Variants in CFDP1 observed in about 807,000 individuals in gnomAD.
CFDP1 encodes chromatin remodeling protein CFDP1.
In CFDP1, 31 loss-of-function variants were observed where a neutral mutation model predicts 40.1. The ratio of observed to expected loss-of-function variants is 0.77; its 90% CI spans 0.58 to 1.04. The LOEUF is 1.04. Among genes scored for constraint, CFDP1 ranks in the 50% least tolerant of loss-of-function variants. The pLI is 0.00. For missense variants in CFDP1, 423 were observed against 343.4 expected (o/e 1.23, Z -1.83); for synonymous variants, 167 against 120.0 (o/e 1.39, Z -2.56).
At chr16:75,415,439 C>G (rs993778959) in intron 1 of CFDP1, among the ~76,000 whole-genome samples, 3 of 152,208 alleles carry the variant, frequency 2.0e-5, no homozygotes, top group Non-Finnish European at 2.9e-5. Context: ...ACACAGTGAA[C>G]ACACTTGCAT....
chr16:75,342,054 T>A (rs1414662027), intron 5 of CFDP1, among the ~76,000 whole-genome samples: 2 of 152,230 alleles, frequency 1.3e-5, no homozygotes, highest in African/African-American at 4.8e-5. Context: ...ATAGCTTTTT[T>A]AAGGATGTAC....
intron 1 of CFDP1, among the ~76,000 whole-genome samples, chr16:75,423,830 G>C (rs1032696324): frequency 6.6e-6 from 1 of 152,174 alleles, no homozygotes; most frequent in East Asian, 1.9e-4. Flanking sequence ...CTCCCAAAGT[G>C]CTGGGATTAC....
intron 5 of CFDP1, 48 bp downstream of exon 5, chr16:75,395,042 C>T (rs1316448928): frequency 1.2e-6 from 2 of 1,609,150 alleles, no homozygotes; most frequent in Middle Eastern, 3.3e-4. Context: ...GCACTGAAAG[C>T]TTCTCCAACG....
At chr16:75,296,316 C>T (rs2078181764) in intron 6 of CFDP1, among the ~76,000 whole-genome samples, 1 of 152,160 alleles carries the variant, frequency 6.6e-6, no homozygotes, top group Non-Finnish European at 1.5e-5. Flanking sequence ...CAGTTCACTG[C>T]AGCCTCGACC....
chr16:75,355,270 T>A (rs1321950618), intron 5 of CFDP1, among the ~76,000 whole-genome samples: 1 of 152,184 alleles, frequency 6.6e-6, no homozygotes, highest in African/African-American at 2.4e-5. Flanking sequence ...AACAGTGAAG[T>A]CTGTCACATT....
intron 5 of CFDP1, among the ~76,000 whole-genome samples, chr16:75,326,996 C>T (rs9935954): frequency 0.17 from 25,419 of 152,164 alleles, 2,297 homozygotes; most frequent in Middle Eastern, 0.23. Flanking sequence ...ATAGGCCGGG[C>T]GCAGTGGCTG....
chr16:75,338,631 A>C (rs2078506770), intron 5 of CFDP1, among the ~76,000 whole-genome samples: 1 of 152,128 alleles, frequency 6.6e-6, no homozygotes, highest in Admixed American at 6.5e-5. Flanking sequence ...TACTGACCTA[A>C]TGCATTTTCT....
chr16:75,337,192 A>T (rs1355651052), intron 5 of CFDP1, among the ~76,000 whole-genome samples: 1 of 152,244 alleles, frequency 6.6e-6, no homozygotes, highest in Non-Finnish European at 1.5e-5. Context: ...ATCCAGCTGA[A>T]AGGGAGAAGA....
chr16:75,370,046 T>C (rs992455760), intron 5 of CFDP1, among the ~76,000 whole-genome samples: 1 of 151,906 alleles, frequency 6.6e-6, no homozygotes, highest in Non-Finnish European at 1.5e-5. Context: ...GTGTTGGGAT[T>C]ACAGGCGTGA....
chr16:75,300,444 C>T lies in CFDP1; in HGVS notation c.809+4580G>A, dbSNP rs571925098. Reference sequence around the variant, plus strand: ...CTGGGATTACAGGTGCCCACCACCACGCCCGGCTAATTTTTGTATTTCAGT... The same window carrying T: ...CTGGGATTACAGGTGCCCACCACCATGCCCGGCTAATTTTTGTATTTCAGT... On this transcript the variant is annotated intron_variant, in intron 6 of 6. Coordinates refer to ENST00000283882, the MANE Select transcript of CFDP1 (RefSeq NM_006324.3). Among the ~76,000 whole-genome samples, 269 of 152,248 alleles carry T rather than the reference C, an allele frequency of 1.8e-3. 3 individuals are homozygous for T. Among genetic ancestry groups the T allele is most frequent in the African/African-American group, 6.0e-3 (251 of 41,530 alleles).
At chr16:75,432,755 G>A (rs2079437920) in intron 1 of CFDP1, among the ~76,000 whole-genome samples, 1 of 152,196 alleles carries the variant, frequency 6.6e-6, no homozygotes, top group South Asian at 2.1e-4. Flanking sequence ...TTCTCACCCC[G>A]TTCGGGTTGA....
intron 5 of CFDP1, among the ~76,000 whole-genome samples, chr16:75,392,371 C>T (rs1185184020): frequency 1.3e-5 from 2 of 152,136 alleles, no homozygotes; most frequent in East Asian, 3.9e-4. Flanking sequence ...CACCACTGCA[C>T]TCCAGCCCAG....
intron 6 of CFDP1, among the ~76,000 whole-genome samples, chr16:75,302,275 T>G (rs11149815): frequency 0.51 from 76,990 of 151,902 alleles, 20,528 homozygotes; most frequent in Admixed American, 0.65. Flanking sequence ...AATTTTTATT[T>G]TTTGGGCCAG....
At chr16:75,392,679 G>A (rs1037987228) in intron 5 of CFDP1, among the ~76,000 whole-genome samples, 2 of 152,150 alleles carry the variant, frequency 1.3e-5, no homozygotes, top group African/African-American at 4.8e-5. Flanking sequence ...TGCATTTTGA[G>A]TAGGCATGGG....
At chr16:75,356,404 C>T (rs1406486653) in intron 5 of CFDP1, among the ~76,000 whole-genome samples, 1 of 152,106 alleles carries the variant, frequency 6.6e-6, no homozygotes, top group Non-Finnish European at 1.5e-5. Flanking sequence ...TGAGCAGTAA[C>T]ATTTTGAAAG....
chr16:75,302,457 C>T (rs771761988), intron 6 of CFDP1, among the ~76,000 whole-genome samples: 26 of 152,316 alleles, frequency 1.7e-4, no homozygotes, highest in Middle Eastern at 6.8e-3. Context: ...CAAGGTCTTG[C>T]TATGTTGCCC....
intron 6 of CFDP1, among the ~76,000 whole-genome samples, chr16:75,301,205 TA>T (rs2078219151): frequency 6.6e-6 from 1 of 152,180 alleles, no homozygotes; most frequent in African/African-American, 2.4e-5. Context: ...ACGAGAGGTA[TA>T]TTAAAATGTG....
intron 4 of CFDP1, among the ~76,000 whole-genome samples, chr16:75,409,047 C>T (rs544487474): frequency 4.6e-5 from 7 of 151,666 alleles, no homozygotes; most frequent in African/African-American, 7.3e-5. Context: ...TTAGTAGAGA[C>T]GGGGTTTCAT....
At chr16:75,338,468 A>G (rs1221592951) in intron 5 of CFDP1, among the ~76,000 whole-genome samples, 3 of 152,198 alleles carry the variant, frequency 2.0e-5, no homozygotes, top group Non-Finnish European at 4.4e-5. Context: ...AGCATCTTAA[A>G]GATGAGCATG....
Sources: gnomAD v4.1 joint callset for allele counts (sites outside exome capture counted in the v4.1 genomes callset) on GRCh38, gnomAD v4.1.1 for gene constraint, MANE v1.5 for transcripts, NCBI Gene and HGNC (gene_info 2026-07-23, HGNC 2026-07-21) for gene names.